Variants in STRN3 observed in about 807,000 individuals in gnomAD.
The protein encoded by STRN3 is striatin 3, also known as striatin-3.
A neutral mutation model predicts 95.6 loss-of-function variants in STRN3; 29 were observed. The ratio of observed to expected loss-of-function variants is 0.30; its 90% CI spans 0.23 to 0.41. The LOEUF (loss-of-function observed/expected upper bound fraction) is 0.41, where lower values mean the gene tolerates loss of function less well. Ranked by LOEUF, STRN3 falls within the 10% of genes least tolerant of loss-of-function variation. The probability of loss-of-function intolerance (pLI) is 1.00; values close to 1 mark genes in which losing one functional copy is unlikely to be tolerated. For synonymous variants in STRN3, 331 were observed against 357.6 expected, an observed-to-expected ratio of 0.93 and a Z score of 0.84; for missense variants, 890 against 972.1, an observed-to-expected ratio of 0.92 and a Z score of 1.12.
intron 5 of STRN3, among the ~76,000 whole-genome samples, chr14:30,941,287 G>A (rs1594468930): frequency 6.6e-6 from 1 of 152,116 alleles, no homozygotes; most frequent in South Asian, 2.1e-4. Context: ...TAGGACACAG[G>A]CCCAGCCATT....
chr14:30,920,599 T>C (rs1430789466), intron 8 of STRN3, among the ~76,000 whole-genome samples: 1 of 152,132 alleles, frequency 6.6e-6, no homozygotes, highest in East Asian at 1.9e-4. Context: ...TGGGGGCTGG[T>C]TTTAAAAAAG....
intron 1 of STRN3, among the ~76,000 whole-genome samples, chr14:30,981,814 G>A (rs1881416225): frequency 6.6e-6 from 1 of 152,084 alleles, no homozygotes; most frequent in Admixed American, 6.5e-5. Flanking sequence ...AGAATTCCAG[G>A]CTGGGTGCGG....
At chr14:30,950,736 C>CAA in intron 4 of STRN3, 127 bp downstream of exon 4, 1 of 835,582 alleles carries the variant, frequency 1.2e-6, no homozygotes, top group South Asian at 2.0e-5. Flanking sequence ...ATCTACACAG[C>CAA]AAAAAAAGCA....
intron 1 of STRN3, among the ~76,000 whole-genome samples, chr14:30,998,323 T>C (rs934966240): frequency 6.6e-6 from 1 of 152,118 alleles, no homozygotes; most frequent in Non-Finnish European, 1.5e-5. Flanking sequence ...TAAGATAATA[T>C]TTGAGGCAAA....
intron 1 of STRN3, among the ~76,000 whole-genome samples, chr14:30,969,614 G>A (rs1369563842): frequency 2.0e-5 from 3 of 152,082 alleles, no homozygotes; most frequent in Non-Finnish European, 4.4e-5. Flanking sequence ...ATGGTTGTTT[G>A]GCTTTCTTTG....
intron 1 of STRN3, chr14:31,014,745 A>G (rs921628903): frequency 2.2e-6 from 1 of 446,070 alleles, no homozygotes; most frequent in South Asian, 1.7e-5. Context: ...ACAGCATTAT[A>G]TATTGGTCAA....
At chr14:30,925,451 A>G (rs903676246) in intron 8 of STRN3, among the ~76,000 whole-genome samples, 2 of 152,356 alleles carry the variant, frequency 1.3e-5, no homozygotes, top group Admixed American at 6.5e-5. Flanking sequence ...TGGTAAAGTT[A>G]GCAAATAGTT....
In STRN3 at chr14:31,013,563, T is replaced by A. The variant is rs1012632960; in HGVS notation, c.282+12341A>T. On this transcript the variant is annotated intron_variant, in intron 1 of 17. Transcript: ENST00000357479. Reference sequence around the variant, plus strand: ...GGGTGGTAGACAGGATCATGGTGAGTATAAGACTTAATTTTGAACCACATA... The same window carrying A: ...GGGTGGTAGACAGGATCATGGTGAGAATAAGACTTAATTTTGAACCACATA... Among the ~76,000 whole-genome samples, 3 of 151,622 alleles carry A rather than the reference T, an allele frequency of 2.0e-5. No individual in the cohort carries two copies. In the South Asian group the frequency reaches 6.2e-4, roughly 32 times the overall value.
intron 13 of STRN3, among the ~76,000 whole-genome samples, chr14:30,910,332 G>A (rs1253703159): frequency 6.6e-6 from 1 of 152,122 alleles, no homozygotes; most frequent in Admixed American, 6.5e-5. Context: ...TCTGTTTTAT[G>A]TCTCTACTTT....
intron 1 of STRN3, among the ~76,000 whole-genome samples, chr14:30,980,148 G>C (rs1881318237): frequency 6.6e-6 from 1 of 151,886 alleles, no homozygotes; most frequent in Non-Finnish European, 1.5e-5. Context: ...GGGAGGCTGA[G>C]GCAGGAGAAC....
intron 13 of STRN3, among the ~76,000 whole-genome samples, chr14:30,908,848 G>A (rs1456598896): frequency 6.6e-6 from 1 of 152,106 alleles, no homozygotes; most frequent in East Asian, 1.9e-4. Context: ...CATTCTTATA[G>A]TTTAATGTAT....
intron 4 of STRN3, among the ~76,000 whole-genome samples, chr14:30,947,994 T>C (rs1297213383): frequency 6.6e-6 from 1 of 151,902 alleles, no homozygotes. Flanking sequence ...GATTTTTAGG[T>C]GAATGCTAAA....
intron 1 of STRN3, among the ~76,000 whole-genome samples, chr14:31,011,719 T>C (rs179720): frequency 0.39 from 59,983 of 152,130 alleles, 12,606 homozygotes; most frequent in Non-Finnish European, 0.47. Flanking sequence ...ATATGTAAAA[T>C]AGAAAGATTC....
intron 8 of STRN3, among the ~76,000 whole-genome samples, chr14:30,924,287 C>CTTTGTTTTTTTT (rs1896960337): frequency 1.3e-5 from 1 of 77,228 alleles, no homozygotes; most frequent in African/African-American, 5.4e-5. Context: ...TGCCTTAAAT[C>CTTTGTTTTTTTT]TTTTTTTTTT....
intron 6 of STRN3, 110 bp downstream of exon 6, chr14:30,936,385 T>C: frequency 4.7e-6 from 6 of 1,269,596 alleles, no homozygotes; most frequent in East Asian, 2.5e-5. Flanking sequence ...TTAACCAATA[T>C]GTAAAGTAAA....
At chr14:31,016,336 G>T (rs1311731739) in intron 1 of STRN3, among the ~76,000 whole-genome samples, 1 of 152,066 alleles carries the variant, frequency 6.6e-6, no homozygotes, top group Non-Finnish European at 1.5e-5. Flanking sequence ...ACAAACTGTA[G>T]CACATCCATA....
intron 16 of STRN3, among the ~76,000 whole-genome samples, chr14:30,899,746 C>T (rs1190552802): frequency 1.3e-5 from 2 of 151,964 alleles, no homozygotes; most frequent in African/African-American, 4.8e-5. Flanking sequence ...CACATACCCC[C>T]CCCACCCCCT....
chr14:30,982,441 G>C (rs954950722), intron 1 of STRN3, among the ~76,000 whole-genome samples: 23 of 152,260 alleles, frequency 1.5e-4, no homozygotes, highest in African/African-American at 5.5e-4. Context: ...CCAAGTAGCT[G>C]GGACTACAGG....
intron 1 of STRN3, among the ~76,000 whole-genome samples, chr14:30,997,674 A>T (rs1882266682): frequency 6.6e-6 from 1 of 152,114 alleles, no homozygotes; most frequent in Non-Finnish European, 1.5e-5. Context: ...AACTTCTTCG[A>T]TGTCTCCTCT....
Sources: gnomAD v4.1 joint callset for allele counts (sites outside exome capture counted in the v4.1 genomes callset) on GRCh38, gnomAD v4.1.1 for gene constraint, MANE v1.5 for transcripts, NCBI Gene and HGNC (gene_info 2026-07-23, HGNC 2026-07-21) for gene names.